The following CSMD1 variants were observed in gnomAD, a reference collection of about 807,000 sequenced individuals.
CSMD1 encodes CUB and Sushi multiple domains 1, also known as CUB and sushi domain-containing protein 1.
CSMD1 carries 213 observed loss-of-function variants against 417.5 expected under a neutral mutation model. That is an observed-to-expected ratio of 0.51 (90% CI 0.46 to 0.57). The LOEUF is 0.57. CSMD1 is among the 20% of genes least tolerant of loss of function. The pLI is 0.00. For missense variants in CSMD1, 6,923 were observed against 4,529.7 expected, an observed-to-expected ratio of 1.53 and a Z score of -15.17; for synonymous variants, 2,862 against 1,736.8, an observed-to-expected ratio of 1.65 and a Z score of -16.11.
chr8:4,125,650 T>C (rs541507854), intron 3 of CSMD1, among the ~76,000 whole-genome samples: 139 of 152,344 alleles, frequency 9.1e-4, no homozygotes, highest in African/African-American at 3.0e-3. Context: ...TAACCAACTC[T>C]ATGTTGCTTC....
intron 1 of CSMD1, among the ~76,000 whole-genome samples, chr8:4,933,281 T>C (rs941712713): frequency 6.6e-6 from 1 of 152,188 alleles, no homozygotes; most frequent in Non-Finnish European, 1.5e-5. Flanking sequence ...ACAGCAACAT[T>C]CTCTCAGAGG....
chr8:2,967,529 C>T (rs1277048972), intron 57 of CSMD1, among the ~76,000 whole-genome samples: 1 of 152,014 alleles, frequency 6.6e-6, no homozygotes, highest in African/African-American at 2.4e-5. Flanking sequence ...TTTCAATCTA[C>T]ACTTTTTTTT....
At chr8:3,312,911 G>T (rs578121663) in intron 23 of CSMD1, among the ~76,000 whole-genome samples, 35 of 152,258 alleles carry the variant, frequency 2.3e-4, no homozygotes, top group African/African-American at 7.2e-4. Context: ...TCTGCAAATT[G>T]CATGAAGTAC....
intron 17 of CSMD1, among the ~76,000 whole-genome samples, chr8:3,391,270 A>C (rs767104044): frequency 3.3e-5 from 5 of 152,202 alleles, no homozygotes; most frequent in Admixed American, 6.5e-5. Context: ...TCAATCACAC[A>C]GTAGAGTATG....
intron 5 of CSMD1, among the ~76,000 whole-genome samples, chr8:3,963,881 T>G (rs900919473): frequency 2.0e-5 from 3 of 152,224 alleles, no homozygotes; most frequent in Non-Finnish European, 4.4e-5. Context: ...AGATGTTAAC[T>G]GACACTCGGA....
intron 26 of CSMD1, among the ~76,000 whole-genome samples, chr8:3,233,992 T>A (rs1799006454): frequency 1.3e-5 from 2 of 152,222 alleles, no homozygotes; most frequent in South Asian, 2.1e-4. Context: ...AACATCGATG[T>A]CTGTGTATTC....
chr8:4,951,206 A>G lies in CSMD1; in HGVS notation c.85+43126T>C, dbSNP rs368009286. Among the ~76,000 whole-genome samples the G allele has an allele frequency of 7.2e-5, 11 of 152,254 alleles. No individual in the cohort carries two copies. The South Asian group carries it at 2.3e-3, about 32-fold the overall frequency. ...GTTTCATGGTAGCCTGCAACATTCC[A>G]TATGGTCCACATTAATCCACAAAGA... On this transcript the variant is annotated intron_variant, in intron 1 of 69. Coordinates refer to ENST00000635120, the MANE Select transcript of CSMD1 (RefSeq NM_033225.6).
intron 5 of CSMD1, among the ~76,000 whole-genome samples, chr8:3,779,462 C>G (rs896632799): frequency 6.6e-6 from 1 of 152,104 alleles, no homozygotes; most frequent in Non-Finnish European, 1.5e-5. Context: ...AAATTTTAGA[C>G]ATCTTAAAAC....
chr8:3,711,365 C>T (rs998737772), intron 6 of CSMD1, among the ~76,000 whole-genome samples: 8 of 152,246 alleles, frequency 5.3e-5, no homozygotes, highest in Admixed American at 3.3e-4. Context: ...AAGGGCTGGC[C>T]AGAGGGTGGC....
At chr8:3,700,053 G>A (rs993195034) in intron 7 of CSMD1, among the ~76,000 whole-genome samples, 1 of 152,190 alleles carries the variant, frequency 6.6e-6, no homozygotes, top group South Asian at 2.1e-4. Flanking sequence ...GAACAAAGTA[G>A]AAAATATGCC....
At chr8:3,862,837 G>A (rs116159934) in intron 5 of CSMD1, among the ~76,000 whole-genome samples, 3,450 of 152,262 alleles carry the variant, frequency 0.023, 51 homozygotes, top group Middle Eastern at 0.054. Context: ...AGTTAGGGCA[G>A]GTGTCAAAAT....
At chr8:3,431,626 A>G (rs537467931) in intron 12 of CSMD1, among the ~76,000 whole-genome samples, 1 of 152,188 alleles carries the variant, frequency 6.6e-6, no homozygotes, top group South Asian at 2.1e-4. Context: ...CCACCAATAA[A>G]CAACTGACAA....
At chr8:3,268,995 G>T (rs1306623653) in intron 26 of CSMD1, among the ~76,000 whole-genome samples, 1 of 152,180 alleles carries the variant, frequency 6.6e-6, no homozygotes, top group African/African-American at 2.4e-5. Context: ...AAGAATAGGA[G>T]AAGTGCCATT....
At chr8:4,528,952 C>T (rs1489234329) in intron 2 of CSMD1, among the ~76,000 whole-genome samples, 2 of 152,152 alleles carry the variant, frequency 1.3e-5, no homozygotes, top group African/African-American at 4.8e-5. Flanking sequence ...AGGGAACATA[C>T]TGTATTTTTG....
intron 51 of CSMD1, among the ~76,000 whole-genome samples, chr8:3,019,511 T>A (rs765063209): frequency 5.9e-5 from 9 of 152,314 alleles, no homozygotes; most frequent in Non-Finnish European, 1.2e-4. Context: ...GCTCAGTTTA[T>A]TTGTTTTTTT....
chr8:3,636,327 G>A (rs542736959), intron 7 of CSMD1, among the ~76,000 whole-genome samples: 29 of 152,264 alleles, frequency 1.9e-4, no homozygotes, highest in African/African-American at 4.8e-4. Context: ...ACAGGCATGC[G>A]CCACCACGCC....
rs116595511 is a variant in CSMD1, at chr8:3,589,813, C to T, written c.1098-3553G>A. 9.9e-3 allele frequency among the ~76,000 whole-genome samples: 1,511 copies of T among 152,178 alleles called. 24 individuals are homozygous for T. The highest frequency in any genetic ancestry group is 0.033 in the African/African-American group (1,367 of 41,522). ...GGGTATGTTAATTAGCTTGATTTGA[C>T]CATTTCACAATGTATTCATATTCCA... is the stretch of plus-strand genomic sequence containing the variant. On this transcript the variant is annotated intron_variant, in intron 8 of 69. Coordinates refer to ENST00000635120, the MANE Select transcript of CSMD1 (RefSeq NM_033225.6).
chr8:4,806,049 AAAC>A, intron 1 of CSMD1, among the ~76,000 whole-genome samples: 1 of 152,194 alleles, frequency 6.6e-6, no homozygotes, highest in Non-Finnish European at 1.5e-5. Context: ...GAGATGACGG[AAAC>A]CCGGATTTTC....
intron 3 of CSMD1, among the ~76,000 whole-genome samples, chr8:4,332,438 G>GA (rs1241140321): frequency 1.3e-5 from 2 of 152,022 alleles, no homozygotes; most frequent in African/African-American, 4.8e-5. Flanking sequence ...AGTAAGCACT[G>GA]AGTAGGTAAA....
Sources: allele counts gnomAD v4.1 joint callset (sites outside exome capture counted in the v4.1 genomes callset), GRCh38; gene constraint gnomAD v4.1.1; transcripts MANE v1.5; gene names NCBI Gene and HGNC (gene_info 2026-07-23, HGNC 2026-07-21).